The following SLC9A5 variants were observed in gnomAD, a reference collection of about 807,000 sequenced individuals.
The protein encoded by SLC9A5 is sodium/hydrogen exchanger 5.
A neutral mutation model predicts 91.7 loss-of-function variants in SLC9A5; 52 were observed. The ratio of observed to expected loss-of-function variants is 0.57; its 90% confidence interval spans 0.45 to 0.71. SLC9A5 has a LOEUF of 0.71. SLC9A5 is among the 30% of genes least tolerant of loss of function. SLC9A5 has a pLI of 0.00. For missense variants in SLC9A5, 871 were observed against 1,158.9 expected (o/e 0.75, Z 3.61); for synonymous variants, 419 against 474.5 (o/e 0.88, Z 1.52).
intron 13 of SLC9A5, 71 bp from the exon 14 acceptor site, chr16:67,264,969 A>G: frequency 6.7e-7 from 1 of 1,497,626 alleles, no homozygotes; most frequent in Non-Finnish European, 9.3e-7. Flanking sequence ...TGTCCTGTTG[A>G]CCCCACCAGA....
In SLC9A5 at chr16:67,257,916, C is replaced by T. The variant is rs1335954601; in HGVS notation, c.1496+315C>T. On this transcript the variant is annotated intron_variant, in intron 9 of 15. Transcript: ENST00000299798. This position sits in a 1 kb window ranked among gnomAD's most constrained non-coding sequence, Gnocchi z 5.1. ...GACCCACCATGCTCCCCCAGCCTGG[C>T]CACTGGGACCTTCTCTGTACTAGAA... Among the ~76,000 whole-genome samples, 1 of 152,220 alleles carries T rather than the reference C, an allele frequency of 6.6e-6. No individual in the cohort carries two copies. Among genetic ancestry groups the T allele is most frequent in the Non-Finnish European group, 1.5e-5 (1 of 68,040 alleles).
Position 67,256,058 on chromosome 16 carries a change from C to T in SLC9A5, c.911+128C>T. 9.9e-7 allele frequency: 1 copy of T among 1,006,132 alleles called. No homozygotes were observed. Among genetic ancestry groups the T allele is most frequent in the Non-Finnish European group, 1.5e-6 (1 of 688,606 alleles). 62.3% of individuals were successfully genotyped at this position (1,006,132 alleles called of 1,614,324 possible). A position where few individuals can be genotyped will look rare whatever the true frequency, so the allele number is the denominator to read the frequency against. On this transcript the variant is annotated intron_variant, in intron 5 of 15. Coordinates refer to ENST00000299798, the MANE Select transcript of SLC9A5 (RefSeq NM_004594.3). This position sits in a 1 kb window ranked among gnomAD's most constrained non-coding sequence, Gnocchi z 4.1. Reference sequence around the variant, plus strand: ...CCTGAGCCCTTGTGGTAGTGGGAGCCTCAGACTGTCCTGGGGAGTCAGTAA... The same window carrying T: ...CCTGAGCCCTTGTGGTAGTGGGAGCTTCAGACTGTCCTGGGGAGTCAGTAA...
In SLC9A5 at chr16:67,252,430, A is replaced by C; in HGVS notation, c.188-112A>C. The C allele has an allele frequency of 1.0e-6, 1 of 956,540 alleles. No individual in the cohort carries two copies. The highest frequency in any genetic ancestry group is 1.6e-6 in the Non-Finnish European group (1 of 638,164). 59.3% of individuals were successfully genotyped at this position (956,540 alleles called of 1,614,324 possible). ...GTGCTACTGCACTCCAGCTTGGGCA[A>C]CAGAGTGAGACTTCATCTCAAAAAA... On this transcript the variant is annotated intron_variant, in intron 1 of 15. Transcript: ENST00000299798. The surrounding 1 kb of genome is among the most constrained non-coding windows in gnomAD (Gnocchi z 4.0).
rs1392898410 is a variant in SLC9A5, at chr16:67,270,532, C to T, written c.2219-206C>T. ...AAATAATGTTCAATTTCTTGAGCAA[C>T]TACTGTGTGCCCGGCCCTGTGCTAG... On this transcript the variant is annotated intron_variant, in intron 15 of 15. Coordinates refer to ENST00000299798, the MANE Select transcript of SLC9A5 (RefSeq NM_004594.3). This position sits in a 1 kb window ranked among gnomAD's most constrained non-coding sequence, Gnocchi z 4.3. Among the ~76,000 whole-genome samples, 2 of 152,186 alleles carry T rather than the reference C, an allele frequency of 1.3e-5. No individual in the cohort carries two copies. Among genetic ancestry groups the T allele is most frequent in the African/African-American group, 4.8e-5 (2 of 41,432 alleles).
chr16:67,268,658 TTATATATA>T (rs60054219), intron 15 of SLC9A5, among the ~76,000 whole-genome samples: 630 of 42,238 alleles, frequency 0.015, 6 homozygotes, highest in East Asian at 0.024. Context: ...ATTTCCCTGA[TTATATATA>T]TATATATATA....
In SLC9A5 at chr16:67,264,416, T is replaced by C. The variant is rs757169178; in HGVS notation, c.1907T>C (p.Val636Ala). 6.2e-7 allele frequency: 1 copy of C among 1,611,068 alleles called. No individual in the cohort carries two copies. The highest frequency in any genetic ancestry group is 1.1e-5 in the South Asian group (1 of 90,872). ...EDAQERQDKE[V>A]FQQNMKRRLE... ...GCGCAGGAGCGGCAGGACAAGGAGGTCTTCCAGCAGAACATGAAGCGGCGG... is the reference window on the plus strand; with the variant it reads ...GCGCAGGAGCGGCAGGACAAGGAGGCCTTCCAGCAGAACATGAAGCGGCGG... Residue 636 changes from valine to alanine, a missense_variant, in exon 13 of 16, where the codon GTC becomes GCC. Transcript: ENST00000299798.
In SLC9A5 at chr16:67,257,573, C is replaced by T. The variant is rs1567411354; in HGVS notation, c.1468C>T (p.His490Tyr). The T allele has an allele frequency of 6.2e-7, 1 of 1,614,098 alleles. No individual in the cohort carries two copies. The highest frequency in any genetic ancestry group is 8.5e-7 in the Non-Finnish European group (1 of 1,180,020). Residue 490 changes from histidine (H) to tyrosine (Y), a missense_variant, in exon 9 of 16, where the codon CAC (histidine) becomes TAC (tyrosine). This residue lies in a region of SLC9A5 where 454 missense variants were observed against 718.3 expected (regional missense o/e 0.63). Coordinates refer to ENST00000299798, the MANE Select transcript of SLC9A5 (RefSeq NM_004594.3). The surrounding 1 kb of genome is among the most constrained non-coding windows in gnomAD (Gnocchi z 5.1). ...GGCTGCAGTGGAGGACGTTGTGGGGCACCATGGCTACCACTACTGGAGGGA... is the reference window on the plus strand; with the variant it reads ...GGCTGCAGTGGAGGACGTTGTGGGGTACCATGGCTACCACTACTGGAGGGA... ...ILAAVEDVVG[H>Y]HGYHYWRDRW...
At chr16:67,253,204 C>T (rs1226220646) in intron 2 of SLC9A5, among the ~76,000 whole-genome samples, 1 of 152,166 alleles carries the variant, frequency 6.6e-6, no homozygotes, top group Non-Finnish European at 1.5e-5. Context: ...GCCTGCTGTC[C>T]TGGCTCTCCC....
At position 67,257,503 on chromosome 16, in the gene SLC9A5, C is replaced by A; in HGVS notation, c.1426-28C>A. The A allele has an allele frequency of 6.2e-7, 1 of 1,613,756 alleles. No individual in the cohort carries two copies. Among genetic ancestry groups the A allele is most frequent in the Admixed American group, 1.7e-5 (1 of 60,018 alleles). Reference sequence around the variant, plus strand: ...CTCCTATTTTGGGCAGAGTCCTGATCCAGTCCCCCTACCCACCCCCCTTCT... The same window carrying A: ...CTCCTATTTTGGGCAGAGTCCTGATACAGTCCCCCTACCCACCCCCCTTCT... On this transcript the variant is annotated intron_variant, in intron 8 of 15. Coordinates refer to ENST00000299798, the MANE Select transcript of SLC9A5 (RefSeq NM_004594.3). The surrounding 1 kb of genome is among the most constrained non-coding windows in gnomAD (Gnocchi z 5.1).
chr16:67,255,374 C>T lies in SLC9A5; in HGVS notation c.655-19C>T. Reference sequence around the variant, plus strand: ...TGCTGCCTTCCCGCCTCACTGCTGACTCTCCTCTTCTCGCTCAGGTGCTGT... The same window carrying T: ...TGCTGCCTTCCCGCCTCACTGCTGATTCTCCTCTTCTCGCTCAGGTGCTGT... On this transcript the variant is annotated intron_variant, in intron 3 of 15. Transcript: ENST00000299798. This position sits in a 1 kb window ranked among gnomAD's most constrained non-coding sequence, Gnocchi z 4.9. The T allele has an allele frequency of 1.2e-6, 2 of 1,603,816 alleles. No individual in the cohort carries two copies. Among genetic ancestry groups the T allele is most frequent in the Non-Finnish European group, 1.7e-6 (2 of 1,171,412 alleles).
chr16:67,259,514 C>T (rs980867181), intron 10 of SLC9A5, 59 bp from the exon 11 acceptor site: 2 of 1,234,650 alleles, frequency 1.6e-6, no homozygotes, highest in Non-Finnish European at 2.4e-6. Context: ...TTTATTACCC[C>T]TGACTCCTGG....
chr16:67,266,761 G>A (rs893217334), intron 15 of SLC9A5, among the ~76,000 whole-genome samples: 1 of 151,212 alleles, frequency 6.6e-6, no homozygotes, highest in Non-Finnish European at 1.5e-5. Context: ...GGCTGGTCTT[G>A]AACTCCTGAC....
chr16:67,259,279 A>AG, intron 10 of SLC9A5, among the ~76,000 whole-genome samples: 1 of 150,802 alleles, frequency 6.6e-6, no homozygotes, highest in East Asian at 1.9e-4. Flanking sequence ...AAAAAAAAAA[A>AG]AAAAAATCCG....
chr16:67,253,372 A>G (rs2035200354), intron 2 of SLC9A5, among the ~76,000 whole-genome samples: 2 of 152,184 alleles, frequency 1.3e-5, no homozygotes, highest in South Asian at 4.1e-4. Context: ...TGCTGGCACT[A>G]CACTGGGTTT....
Position 67,258,774 on chromosome 16 carries a change from G to A in SLC9A5, c.1626+327G>A, listed in dbSNP as rs955829738. On this transcript the variant is annotated intron_variant, in intron 10 of 15. Transcript: ENST00000299798. This position sits in a 1 kb window ranked among gnomAD's most constrained non-coding sequence, Gnocchi z 4.5. ...AAAGCAGGCATAAGAGGCTGGGCAC[G>A]GTGGCTCACGCCTGTAATCCCAGCA... Among the ~76,000 whole-genome samples, 2 of 152,190 alleles carry A rather than the reference G, an allele frequency of 1.3e-5. No homozygotes were observed. The highest frequency in any genetic ancestry group is 2.4e-5 in the African/African-American group (1 of 41,436).
intron 2 of SLC9A5, among the ~76,000 whole-genome samples, chr16:67,254,628 C>A (rs1216470418): frequency 6.6e-6 from 1 of 152,208 alleles, no homozygotes; most frequent in Non-Finnish European, 1.5e-5. Context: ...AACTCCTGAC[C>A]TCAGGTGATC....
intron 2 of SLC9A5, among the ~76,000 whole-genome samples, 191 bp downstream of exon 2, chr16:67,253,035 A>G (rs1215960902): frequency 6.6e-6 from 1 of 152,234 alleles, no homozygotes; most frequent in Non-Finnish European, 1.5e-5. Flanking sequence ...GGGCTTCTGC[A>G]GCATAACAGC....
intron 15 of SLC9A5, among the ~76,000 whole-genome samples, chr16:67,269,628 C>T (rs529207718): frequency 3.9e-4 from 60 of 152,174 alleles, no homozygotes; most frequent in Non-Finnish European, 7.2e-4. Context: ...TTTAATATTC[C>T]AGGTCTTTCA....
Position 67,258,198 on chromosome 16 carries a change from C to A in SLC9A5, c.1497-120C>A. ...GGACTAGCCTTGAGATTCTCTCTGG[C>A]TGAGGCCCATATCTAAAAAGCCAGG... On this transcript the variant is annotated intron_variant, in intron 9 of 15. Transcript: ENST00000299798. The surrounding 1 kb of genome is among the most constrained non-coding windows in gnomAD (Gnocchi z 4.5). The A allele has an allele frequency of 1.1e-6, 1 of 942,246 alleles. No homozygotes were observed. The highest frequency in any genetic ancestry group is 1.6e-6 in the Non-Finnish European group (1 of 612,618). The allele number at this position is 942,246 out of a possible 1,614,324, so 58.4% of individuals were successfully genotyped here.
Sources: allele counts gnomAD v4.1 joint callset (sites outside exome capture counted in the v4.1 genomes callset), GRCh38; gene constraint gnomAD v4.1.1; regional missense constraint gnomAD v4.1.1; non-coding constraint Gnocchi (gnomAD v3.1); transcripts MANE v1.5; gene names NCBI Gene and HGNC (gene_info 2026-07-23, HGNC 2026-07-21).